SEPHS1: variants seen among roughly 807,000 people sequenced by gnomAD.
SEPHS1 encodes the protein zincore component SEPHS1.
Under a neutral mutation model 39.2 loss-of-function variants are expected in SEPHS1, and 7 were observed. That is an observed-to-expected ratio of 0.18 (90% CI 0.10 to 0.34). The LOEUF (loss-of-function observed/expected upper bound fraction) is 0.34, where lower values mean the gene tolerates loss of function less well. Among genes scored for constraint, SEPHS1 ranks in the 10% least tolerant of loss-of-function variants. The pLI is 1.00. For synonymous variants in SEPHS1, 190 were observed against 195.5 expected, an observed-to-expected ratio of 0.97 and a Z score of 0.23; for missense variants, 253 against 514.5, an observed-to-expected ratio of 0.49 and a Z score of 4.92.
intron 6 of SEPHS1, 79 bp downstream of exon 6, chr10:13,329,619 C>A: frequency 9.1e-7 from 1 of 1,103,036 alleles, no homozygotes; most frequent in Non-Finnish European, 1.3e-6. Flanking sequence ...TAAAAAACCT[C>A]ATTTCCCAAA....
Position 13,319,065 on chromosome 10 carries a change from G to A in SEPHS1, c.*77C>T. On this transcript the variant is annotated 3_prime_UTR_variant, in exon 9 of 9. Coordinates refer to ENST00000327347, the MANE Select transcript of SEPHS1 (RefSeq NM_012247.5). Reference sequence around the variant, plus strand: ...GTGTAGACACAATGAGATTTTTGTTGTTTATAGTCTTTAATTGAAGTGATA... The same window carrying A: ...GTGTAGACACAATGAGATTTTTGTTATTTATAGTCTTTAATTGAAGTGATA... 4.8e-6 allele frequency: 7 copies of A among 1,445,688 alleles called. No individual in the cohort carries two copies. The highest frequency in any genetic ancestry group is 6.7e-6 in the Non-Finnish European group (7 of 1,040,438). The allele number at this position is 1,445,688 out of a possible 1,614,324, so 89.6% of individuals were successfully genotyped here.
intron 8 of SEPHS1, among the ~76,000 whole-genome samples, chr10:13,321,852 A>G (rs72781397): frequency 0.035 from 5,314 of 152,246 alleles, 135 homozygotes; most frequent in East Asian, 0.081. Context: ...GACGTCCCAC[A>G]AGTTCCGGAC....
At chr10:13,323,151 C>G (rs920135654) in intron 7 of SEPHS1, 104 bp from the exon 8 acceptor site, 30 of 887,352 alleles carry the variant, frequency 3.4e-5, no homozygotes, top group Non-Finnish European at 3.6e-6. Context: ...AGGGAGATGA[C>G]GTATCGGAAT....
At chr10:13,332,382 A>G (rs554472889) in intron 5 of SEPHS1, among the ~76,000 whole-genome samples, 11 of 152,306 alleles carry the variant, frequency 7.2e-5, no homozygotes, top group African/African-American at 2.6e-4. Flanking sequence ...GGGAAATGGG[A>G]GTGAGCTACA....
intron 8 of SEPHS1, among the ~76,000 whole-genome samples, chr10:13,320,372 A>T (rs371332043): frequency 6.6e-6 from 1 of 151,604 alleles, no homozygotes; most frequent in Non-Finnish European, 1.5e-5. Flanking sequence ...TAGTAGAGAC[A>T]GGGTTTCACC....
At chr10:13,337,803 C>T (rs1326519163) in intron 3 of SEPHS1, among the ~76,000 whole-genome samples, 1 of 152,172 alleles carries the variant, frequency 6.6e-6, no homozygotes, top group African/African-American at 2.4e-5. Context: ...AAGAGTATTG[C>T]TCCAGAGGAG....
At chr10:13,336,509 A>C in intron 3 of SEPHS1, 159 bp from the exon 4 acceptor site, 1 of 655,156 alleles carries the variant, frequency 1.5e-6, no homozygotes, top group Non-Finnish European at 2.8e-6. Context: ...CAGACTGGCA[A>C]CCTTTCCTGC....
chr10:13,347,230 G>T (rs1243987684), intron 1 of SEPHS1: 1 of 152,024 alleles, frequency 6.6e-6, no homozygotes, highest in Non-Finnish European at 1.5e-5. Context: ...CGGGGAGCCG[G>T]TCAGCGGGGT....
chr10:13,347,311 C>A (rs1833952868), intron 1 of SEPHS1: 1 of 151,994 alleles, frequency 6.6e-6, no homozygotes, highest in Non-Finnish European at 1.5e-5. Context: ...GGCGCGCTCT[C>A]CAGGACGCCC....
At chr10:13,346,718 GA>G (rs911406418) in intron 1 of SEPHS1, among the ~76,000 whole-genome samples, 5 of 145,968 alleles carry the variant, frequency 3.4e-5, no homozygotes, top group Non-Finnish European at 6.0e-5. Context: ...CCCCTACCAG[GA>G]AAAAAAAAAG....
rs1421943641 is a variant in SEPHS1 at position 13,318,689 on chromosome 10, G to A, written c.*453C>T. ...GCAACCCTCTTATGACTGGGATACC[G>A]TCATGTGCCACTTACCAATGCTGTC... On this transcript the variant is annotated 3_prime_UTR_variant, in exon 9 of 9. Coordinates refer to ENST00000327347, the MANE Select transcript of SEPHS1 (RefSeq NM_012247.5). The A allele has an allele frequency of 1.1e-5, 2 of 176,794 alleles. No homozygotes were observed. Among genetic ancestry groups the A allele is most frequent in the Non-Finnish European group, 2.3e-5 (2 of 85,942 alleles). 11.0% of individuals were successfully genotyped at this position (176,794 alleles called of 1,614,324 possible).
intron 5 of SEPHS1, among the ~76,000 whole-genome samples, chr10:13,331,449 G>A (rs891879139): frequency 6.6e-6 from 1 of 151,824 alleles, no homozygotes; most frequent in African/African-American, 2.4e-5. Flanking sequence ...ACAGTGGCAC[G>A]ATCTTGGCTC....
At chr10:13,328,626 G>A (rs987283823) in intron 6 of SEPHS1, among the ~76,000 whole-genome samples, 176 bp from the exon 7 acceptor site, 1 of 152,188 alleles carries the variant, frequency 6.6e-6, no homozygotes, top group Non-Finnish European at 1.5e-5. Flanking sequence ...GTGTCCATTA[G>A]ACCTGTCAGC....
intron 8 of SEPHS1, among the ~76,000 whole-genome samples, chr10:13,321,187 G>A (rs1833102750): frequency 6.6e-6 from 1 of 152,120 alleles, no homozygotes; most frequent in Admixed American, 6.5e-5. Context: ...CAGATGCTGA[G>A]GCCCAGGCCC....
intron 1 of SEPHS1, among the ~76,000 whole-genome samples, chr10:13,346,536 G>A (rs1357865689): frequency 6.6e-6 from 1 of 152,158 alleles, no homozygotes; most frequent in Non-Finnish European, 1.5e-5. Flanking sequence ...ATTCCAAGAA[G>A]TCTCCCTGCC....
chr10:13,318,281 G>A lies in SEPHS1; in HGVS notation c.*861C>T, dbSNP rs1833000909. The A allele has an allele frequency of 6.6e-6, 1 of 152,434 alleles. No individual in the cohort carries two copies. Among genetic ancestry groups the A allele is most frequent in the African/African-American group, 2.4e-5 (1 of 41,378 alleles). The allele number at this position is 152,434 out of a possible 1,614,324, so 9.4% of individuals were successfully genotyped here. A position where few individuals can be genotyped will look rare whatever the true frequency, so the allele number is the denominator to read the frequency against. On this transcript the variant is annotated 3_prime_UTR_variant, in exon 9 of 9. Coordinates refer to ENST00000327347, the MANE Select transcript of SEPHS1 (RefSeq NM_012247.5). ...GAAATCACTGTACAAAATAGAAAAT[G>A]TATTAAACACTACCATCCACAGAAC...
chr10:13,347,947 C>T (rs1053168970), intron 1 of SEPHS1, 53 bp downstream of exon 1: 11 of 147,668 alleles, frequency 7.4e-5, no homozygotes, highest in Admixed American at 4.0e-4. Context: ...GCCTGCGGAC[C>T]CAGATTCCCC....
chr10:13,320,371 C>T (rs1356608212), intron 8 of SEPHS1, among the ~76,000 whole-genome samples: 1 of 151,738 alleles, frequency 6.6e-6, no homozygotes, highest in Non-Finnish European at 1.5e-5. Flanking sequence ...TTAGTAGAGA[C>T]AGGGTTTCAC....
chr10:13,332,574 T>G (rs1225826778), intron 5 of SEPHS1, among the ~76,000 whole-genome samples: 1 of 152,226 alleles, frequency 6.6e-6, no homozygotes, highest in Non-Finnish European at 1.5e-5. Flanking sequence ...CCGGGCGCGG[T>G]GGCTCACGCC....
Sources: gnomAD v4.1 joint callset for allele counts (sites outside exome capture counted in the v4.1 genomes callset) on GRCh38, gnomAD v4.1.1 for gene constraint, MANE v1.5 for transcripts, NCBI Gene and HGNC (gene_info 2026-07-23, HGNC 2026-07-21) for gene names.